Variants in FRMD3 observed in about 807,000 individuals in gnomAD.
FRMD3 encodes FERM domain-containing protein 3.
A neutral mutation model predicts 70.2 loss-of-function variants in FRMD3; 33 were observed. The ratio of observed to expected loss-of-function variants is 0.47; its 90% CI spans 0.36 to 0.63. The LOEUF (loss-of-function observed/expected upper bound fraction) is 0.63. Among genes scored for constraint, FRMD3 ranks in the 20% least tolerant of loss-of-function variants. FRMD3 has a pLI of 0.00. For missense variants in FRMD3, 632 were observed against 711.4 expected (o/e 0.89, Z 1.27); for synonymous variants, 279 against 255.9 (o/e 1.09, Z -0.86).
At chr9:83,341,372 T>C (rs1318138344) in intron 5 of FRMD3, among the ~76,000 whole-genome samples, 1 of 152,142 alleles carries the variant, frequency 6.6e-6, no homozygotes, top group Non-Finnish European at 1.5e-5. Flanking sequence ...GTGGCTTTAT[T>C]TCAAACAGAA....
chr9:83,523,122 T>C (rs546660192), intron 1 of FRMD3, among the ~76,000 whole-genome samples: 5 of 152,212 alleles, frequency 3.3e-5, no homozygotes, highest in Non-Finnish European at 7.4e-5. Context: ...AACAGAGGTA[T>C]TCAATAAATG....
intron 1 of FRMD3, among the ~76,000 whole-genome samples, chr9:83,427,923 G>T (rs1327735787): frequency 6.6e-6 from 1 of 152,126 alleles, no homozygotes; most frequent in Non-Finnish European, 1.5e-5. Context: ...CAGAGAAACT[G>T]GACAGCGTCC....
intron 1 of FRMD3, among the ~76,000 whole-genome samples, chr9:83,534,736 A>G (rs1051968121): frequency 6.6e-6 from 1 of 152,208 alleles, no homozygotes; most frequent in Non-Finnish European, 1.5e-5. Flanking sequence ...TAGTTTCTTT[A>G]AAGGCAAATA....
At chr9:83,410,467 A>G (rs1826246709) in intron 1 of FRMD3, among the ~76,000 whole-genome samples, 1 of 152,212 alleles carries the variant, frequency 6.6e-6, no homozygotes, top group Admixed American at 6.5e-5. Flanking sequence ...ATGTTGCCAC[A>G]AGGAACATGA....
At chr9:83,507,068 AACAATATATCGACC>A (rs1417637244) in intron 1 of FRMD3, among the ~76,000 whole-genome samples, 1 of 152,194 alleles carries the variant, frequency 6.6e-6, no homozygotes, top group Non-Finnish European at 1.5e-5. Context: ...CTCCTATGAT[AACAATATATCGACC>A]AGGTGCAGTG....
At chr9:83,519,466 G>T (rs1472421873) in intron 1 of FRMD3, among the ~76,000 whole-genome samples, 1 of 152,174 alleles carries the variant, frequency 6.6e-6, no homozygotes, top group African/African-American at 2.4e-5. Context: ...CAGTTAGAAT[G>T]GTGATTATTA....
chr9:83,379,560 C>CTACATCATTGATTCTA, intron 2 of FRMD3, among the ~76,000 whole-genome samples: 1 of 152,184 alleles, frequency 6.6e-6, no homozygotes, highest in East Asian at 1.9e-4. Flanking sequence ...AGCTAAGACC[C>CTACATCATTGATTCTA]CATCATTGAT....
At chr9:83,497,379 A>G (rs1400394343) in intron 1 of FRMD3, among the ~76,000 whole-genome samples, 1 of 152,222 alleles carries the variant, frequency 6.6e-6, no homozygotes, top group Non-Finnish European at 1.5e-5. Flanking sequence ...GAAATAGGGT[A>G]TCTGGTTAAA....
intron 1 of FRMD3, among the ~76,000 whole-genome samples, chr9:83,393,332 C>A (rs879847069): frequency 3.9e-5 from 6 of 152,104 alleles, no homozygotes; most frequent in Non-Finnish European, 5.9e-5. Flanking sequence ...CAAGATGTGA[C>A]CCATGGACTA....
At chr9:83,332,040 G>A (rs1823393216) in intron 6 of FRMD3, 1 of 629,594 alleles carries the variant, frequency 1.6e-6, no homozygotes, top group African/African-American at 1.8e-5. Context: ...TGACAATGGT[G>A]GGCGGAGCCC....
chr9:83,472,917 G>A (rs370476420), intron 1 of FRMD3, among the ~76,000 whole-genome samples: 1 of 152,090 alleles, frequency 6.6e-6, no homozygotes, highest in African/African-American at 2.4e-5. Flanking sequence ...AGTCACGAGT[G>A]TTCTTTCAAA....
chr9:83,427,613 G>C (rs1826848122), intron 1 of FRMD3, among the ~76,000 whole-genome samples: 1 of 152,028 alleles, frequency 6.6e-6, no homozygotes, highest in Non-Finnish European at 1.5e-5. Context: ...GAAAGTATTA[G>C]TTAATGTTAG....
At chr9:83,271,569 T>C (rs943579561) in intron 13 of FRMD3, among the ~76,000 whole-genome samples, 9 of 152,176 alleles carry the variant, frequency 5.9e-5, no homozygotes, top group African/African-American at 2.2e-4. Flanking sequence ...ATTTCCTTGT[T>C]TGGAAAGTGA....
At chr9:83,568,665 AC>A in the FRMD3 span, among the ~76,000 whole-genome samples, 24,901 of 152,016 alleles carry the variant, frequency 0.16, 2,324 homozygotes, top group Non-Finnish European at 0.21. Context: ...ATGGAGAATT[AC>A]TGATCAAAAG....
chr9:83,267,105 G>C (rs991481483), intron 13 of FRMD3: 3 of 1,550,712 alleles, frequency 1.9e-6, no homozygotes, highest in Admixed American at 3.9e-5. Context: ...TGGAGGCTTC[G>C]TCGAGTCTGG....
At chr9:83,555,530 CT>C in the FRMD3 span, among the ~76,000 whole-genome samples, 1 of 152,156 alleles carries the variant, frequency 6.6e-6, no homozygotes, top group Admixed American at 6.5e-5. Flanking sequence ...CCCCCTCCCC[CT>C]AGGAGATCCT....
chr9:83,461,266 C>A (rs4877772), intron 1 of FRMD3, among the ~76,000 whole-genome samples: 113,986 of 152,006 alleles, frequency 0.75, 42,903 homozygotes, highest in African/African-American at 0.81. Flanking sequence ...AAGATGGAGG[C>A]AGGGGCCACA....
At chr9:83,375,620 C>T (rs1825117844) in intron 2 of FRMD3, among the ~76,000 whole-genome samples, 1 of 152,140 alleles carries the variant, frequency 6.6e-6, no homozygotes, top group Non-Finnish European at 1.5e-5. Flanking sequence ...AAACAGAAAA[C>T]CAAATACCAA....
intron 13 of FRMD3, among the ~76,000 whole-genome samples, chr9:83,254,486 A>C (rs943372035): frequency 6.6e-6 from 1 of 152,048 alleles, no homozygotes; most frequent in African/African-American, 2.4e-5. Context: ...TAGAGAACCA[A>C]GTGCAAACAA....
Sources: gnomAD v4.1 joint callset for allele counts (sites outside exome capture counted in the v4.1 genomes callset) on GRCh38, gnomAD v4.1.1 for gene constraint, MANE v1.5 for transcripts, NCBI Gene and HGNC (gene_info 2026-07-23, HGNC 2026-07-21) for gene names.